RACK1: variants seen among roughly 807,000 people sequenced by gnomAD.
RACK1 encodes the protein small ribosomal subunit protein RACK1.
RACK1 carries 3 observed loss-of-function variants against 42.2 expected under a neutral mutation model. The ratio of observed to expected loss-of-function variants is 0.07; its 90% confidence interval spans 0.03 to 0.18. RACK1 has a LOEUF of 0.18. Among genes scored for constraint, RACK1 ranks in the 10% least tolerant of loss-of-function variants. The pLI is 1.00. For missense variants in RACK1, 146 were observed against 403.2 expected, an observed-to-expected ratio of 0.36 and a Z score of 5.46; for synonymous variants, 181 against 154.8, an observed-to-expected ratio of 1.17 and a Z score of -1.25.
At chr5:181,239,269 G>A (rs548945137) in intron 4 of RACK1, 92 bp from the exon 5 acceptor site, 14 of 867,656 alleles carry the variant, frequency 1.6e-5, no homozygotes, top group Admixed American at 5.3e-5. Flanking sequence ...TTCTGGATAC[G>A]GTAGCCATTT....
rs893916495 is a variant in RACK1 at position 181,242,337 on chromosome 5, T to C, written c.118A>G (p.Ile40Val). Residue 40 changes from isoleucine (I) to valine (V), a missense_variant, in exon 2 of 8, where the codon ATC (isoleucine) becomes GTC (valine). Transcript: ENST00000512805. ...MILSASRDKT[I>V]IMWKLTRDET... Reference sequence around the variant, plus strand: ...TCCCTGGTCAGTTTCCACATGATGATGGTCTTATCTAAAGGAGGTAAAACA... The same window carrying C: ...TCCCTGGTCAGTTTCCACATGATGACGGTCTTATCTAAAGGAGGTAAAACA... 1.9e-6 allele frequency: 3 copies of C among 1,611,360 alleles called. No homozygotes were observed. The highest frequency in any genetic ancestry group is 2.5e-6 in the Non-Finnish European group (3 of 1,178,346).
intron 1 of RACK1, chr5:181,243,410 G>C (rs760191412): frequency 6.9e-7 from 1 of 1,459,704 alleles, no homozygotes; most frequent in Non-Finnish European, 9.1e-7. Flanking sequence ...GCCACACTAC[G>C]AAGGAGAAGG....
chr5:181,241,674 CAAACACTCTCATTCAA>C, intron 2 of RACK1, 35 bp from the exon 3 acceptor site: 2 of 1,608,752 alleles, frequency 1.2e-6, no homozygotes, highest in Middle Eastern at 3.3e-4. Context: ...TCAGACTTAG[CAAACACTCTCATTCAA>C]CGGTCAGACT....
At chr5:181,242,977 G>GA in intron 1 of RACK1, 1 of 340,344 alleles carries the variant, frequency 2.9e-6, no homozygotes, top group Non-Finnish European at 5.8e-6. Context: ...GTTTGTGGCT[G>GA]TAGAGTAGCT....
chr5:181,243,063 C>T (rs922651434), intron 1 of RACK1: 1 of 367,488 alleles, frequency 2.7e-6, no homozygotes, highest in African/African-American at 2.1e-5. Flanking sequence ...TCAGGCGCTA[C>T]AGGATTGGAT....
chr5:181,237,229 G>A, intron 7 of RACK1, 187 bp from the exon 8 acceptor site: 1 of 1,144,570 alleles, frequency 8.7e-7, no homozygotes, highest in Non-Finnish European at 1.3e-6. Flanking sequence ...TCCCACCTCA[G>A]CCTCCAGTAG....
chr5:181,237,116 G>A, intron 7 of RACK1, 74 bp from the exon 8 acceptor site: 2 of 1,598,004 alleles, frequency 1.3e-6, no homozygotes, highest in South Asian at 2.3e-5. Context: ...AGCCCAAGTG[G>A]CTTTTTTTGA....
rs1215916081 is a variant in RACK1, at chr5:181,243,843, A to T, written c.-43T>A. On this transcript the variant is annotated 5_prime_UTR_variant, in exon 1 of 8. Coordinates refer to ENST00000512805, the MANE Select transcript of RACK1 (RefSeq NM_006098.5). ...GTGTCGCTGCAGCGACGAGGATGGC[A>T]CTGGATGGCTTAGAGAAACTAGCAC... is the stretch of plus-strand genomic sequence containing the variant. 1 of 1,563,620 alleles carries T rather than the reference A, an allele frequency of 6.4e-7. No homozygotes were observed. The highest frequency in any genetic ancestry group is 1.9e-5 in the Admixed American group (1 of 51,968).
chr5:181,239,395 G>C, intron 4 of RACK1, 92 bp downstream of exon 4: 1 of 890,198 alleles, frequency 1.1e-6, no homozygotes, highest in African/African-American at 1.6e-5. Flanking sequence ...TCAACTGAGG[G>C]CATCTGCAAA....
intron 2 of RACK1, chr5:181,241,966 T>C (rs1316875494): frequency 5.2e-6 from 4 of 772,342 alleles, no homozygotes; most frequent in Non-Finnish European, 9.4e-6. Flanking sequence ...TCAGAACTTT[T>C]GCACCTGGCA....
intron 1 of RACK1, 197 bp from the exon 2 acceptor site, chr5:181,242,542 G>A (rs113736217): frequency 2.9e-6 from 2 of 679,818 alleles, no homozygotes; most frequent in Non-Finnish European, 5.4e-6. Flanking sequence ...CGCACGTAGA[G>A]GTAAACTGTA....
chr5:181,237,838 A>T (rs1759197535), intron 6 of RACK1, 119 bp from the exon 7 acceptor site: 1 of 695,142 alleles, frequency 1.4e-6, no homozygotes, highest in African/African-American at 1.8e-5. Context: ...TCCATGTATC[A>T]ATGCCTACAT....
chr5:181,242,805 C>G (rs1053256098), intron 1 of RACK1: 1 of 332,342 alleles, frequency 3.0e-6, no homozygotes, highest in African/African-American at 2.2e-5. Context: ...GTGATCCACT[C>G]GCCTCTGCCT....
chr5:181,239,914 G>C (rs1331163200), intron 3 of RACK1, among the ~76,000 whole-genome samples: 1 of 151,842 alleles, frequency 6.6e-6, no homozygotes, highest in African/African-American at 2.4e-5. Flanking sequence ...GTGTGGCGGC[G>C]GGTGCCTGTA....
Position 181,242,385 on chromosome 5 carries a change from C to G in RACK1, c.110-40G>C, listed in dbSNP as rs559260027. On this transcript the variant is annotated intron_variant, in intron 1 of 7. Coordinates refer to ENST00000512805, the MANE Select transcript of RACK1 (RefSeq NM_006098.5). ...ACAGAAGAAAAATCAGTGAGGAACC[C>G]GCAGCCCGTTTAACACACTGGATAA... The G allele has an allele frequency of 4.9e-5, 70 of 1,432,124 alleles. 1 individual carries two copies. The South Asian group carries it at 7.9e-4, about 16-fold the overall frequency. 88.7% of individuals were successfully genotyped at this position (1,432,124 alleles called of 1,614,324 possible). A position where few individuals can be genotyped will look rare whatever the true frequency, so the allele number is the denominator to read the frequency against.
At chr5:181,241,386 C>G (rs1343950331) in intron 3 of RACK1, 106 bp downstream of exon 3, 10 of 982,508 alleles carry the variant, frequency 1.0e-5, no homozygotes, top group African/African-American at 1.7e-5. Context: ...GCCGAGACTG[C>G]GCCACTGCAC....
At chr5:181,242,810 C>G in intron 1 of RACK1, 2 of 333,200 alleles carry the variant, frequency 6.0e-6, no homozygotes, top group Non-Finnish European at 1.2e-5. Context: ...CCACTCGCCT[C>G]TGCCTTCCAA....
At position 181,239,519 on chromosome 5, in the gene RACK1, T is replaced by C. The variant is rs910712672; in HGVS notation, c.493A>G (p.Ile165Val). 2 of 1,613,928 alleles carry C rather than the reference T, an allele frequency of 1.2e-6. No individual in the cohort carries two copies. The highest frequency in any genetic ancestry group is 1.7e-6 in the Non-Finnish European group (2 of 1,179,846). ...AGCTTGTCCCAGCCACAGGAGACGATGATAGGGTTGCTGCTGTTGGGCGAG... is the reference window on the plus strand; with the variant it reads ...AGCTTGTCCCAGCCACAGGAGACGACGATAGGGTTGCTGCTGTTGGGCGAG... ...RFSPNSSNPI[I>V]VSCGWDKLVK... The change falls in exon 4 of 8, where the codon ATC becomes GTC. Residue 165 changes from isoleucine (I) to valine (V), a missense_variant. By Grantham distance (29) the Ile-to-Val change is conservative. Coordinates refer to ENST00000512805, the MANE Select transcript of RACK1 (RefSeq NM_006098.5).
rs746524968 is a variant in RACK1, at chr5:181,237,725, G to GT, written c.778-7_778-6insA. 1.9e-5 allele frequency: 29 copies of GT among 1,498,194 alleles called. No homozygotes were observed. The highest frequency in any genetic ancestry group is 2.6e-5 in the Non-Finnish European group (28 of 1,077,126). 92.8% of individuals were successfully genotyped at this position (1,498,194 alleles called of 1,614,324 possible). A position where few individuals can be genotyped will look rare whatever the true frequency, so the allele number is the denominator to read the frequency against. On this transcript the variant is annotated splice_region_variant and splice_polypyrimidine_tract_variant and intron_variant, in intron 6 of 7. Coordinates refer to ENST00000512805, the MANE Select transcript of RACK1 (RefSeq NM_006098.5). ...ATGATCTTTCCCTCTAAATCCTGGG[G>GT]AACAGGGCAAAAGCAACCTTAAGAC...
Sources: gnomAD v4.1 joint callset for allele counts (sites outside exome capture counted in the v4.1 genomes callset) on GRCh38, gnomAD v4.1.1 for gene constraint, MANE v1.5 for transcripts, NCBI Gene and HGNC (gene_info 2026-07-23, HGNC 2026-07-21) for gene names.